FAM149B1: variants seen among roughly 807,000 people sequenced by gnomAD.
FAM149B1 encodes the protein primary cilium assembly protein FAM149B1.
A neutral mutation model predicts 75.3 loss-of-function variants in FAM149B1; 56 were observed. The observed-to-expected ratio is 0.74, with a 90% CI of 0.60 to 0.93. The LOEUF is 0.93. FAM149B1 is among the 40% of genes least tolerant of loss of function. The pLI, the probability that FAM149B1 is intolerant of heterozygous loss-of-function variation, is 0.00. For synonymous variants in FAM149B1, 259 were observed against 256.1 expected (o/e 1.01, Z -0.11); for missense variants, 639 against 708.4 (o/e 0.90, Z 1.11).
intron 7 of FAM149B1, among the ~76,000 whole-genome samples, chr10:73,224,372 A>G (rs2043485747): frequency 6.6e-6 from 1 of 152,204 alleles, no homozygotes; most frequent in Admixed American, 6.5e-5. Context: ...TAGAAAACAT[A>G]CATCAGAAAC....
chr10:73,221,481 C>T (rs1247225256), intron 7 of FAM149B1, among the ~76,000 whole-genome samples: 1 of 152,100 alleles, frequency 6.6e-6, no homozygotes, highest in Non-Finnish European at 1.5e-5. Context: ...CATTTCTTCT[C>T]GCTTGCATTG....
At chr10:73,235,435 A>G (rs1344638869) in intron 12 of FAM149B1, 117 bp downstream of exon 12, 1 of 1,467,304 alleles carries the variant, frequency 6.8e-7, no homozygotes, top group Non-Finnish European at 9.0e-7. Flanking sequence ...ATAAAAGTTG[A>G]GTTTCCAACA....
In FAM149B1 at chr10:73,230,632, A is replaced by G. The variant is rs541334491; in HGVS notation, c.1127+107A>G. ...ATTGAGTGCCAACCAAGCAACCACAAAAACTCCTGGGGAGTAAAACATCCA... is the reference window on the plus strand; with the variant it reads ...ATTGAGTGCCAACCAAGCAACCACAGAAACTCCTGGGGAGTAAAACATCCA... On this transcript the variant is annotated intron_variant, in intron 9 of 13. Transcript: ENST00000242505. The G allele has an allele frequency of 6.3e-5, 41 of 655,190 alleles. No homozygotes were observed. The East Asian group carries it at 1.1e-3, about 18-fold the overall frequency. The allele number at this position is 655,190 out of a possible 1,614,324, so 40.6% of individuals were successfully genotyped here. A position where few individuals can be genotyped will look rare whatever the true frequency, so the allele number is the denominator to read the frequency against.
intron 7 of FAM149B1, among the ~76,000 whole-genome samples, chr10:73,219,930 T>C (rs2043372009): frequency 6.6e-6 from 1 of 151,436 alleles, no homozygotes; most frequent in African/African-American, 2.4e-5. Context: ...TAAAACTTTG[T>C]GCTATAAAAG....
rs760947594 is a variant in FAM149B1, at chr10:73,168,342, G to GATC, written c.4_6dup (p.Ile2dup). The stretch of plus-strand genomic sequence containing the variant: ...GGAGGAGGAGGAGGAGGAGGAGGAT[G>GATC]ATCTCCAGATACACTCGGAAGGCGG... On this transcript the variant is annotated inframe_insertion, in exon 1 of 14. Coordinates refer to ENST00000242505, the MANE Select transcript of FAM149B1 (RefSeq NM_173348.2). 4 of 1,549,792 alleles carry GATC rather than the reference G, an allele frequency of 2.6e-6. No homozygotes were observed. In the African/African-American group the frequency reaches 4.1e-5, roughly 16 times the overall value.
rs1354531452 is a variant in FAM149B1 at position 73,170,055 on chromosome 10, TATTA to T, written c.47+1674_47+1677del. Among the ~76,000 whole-genome samples, 4 of 150,744 alleles carry T rather than the reference TATTA, an allele frequency of 2.7e-5. No homozygotes were observed. In the East Asian group the frequency reaches 5.8e-4, roughly 22 times the overall value. On this transcript the variant is annotated intron_variant, in intron 1 of 13. Transcript: ENST00000242505. ...ATTATTAACTATTTAATTTATTAAATATTAATTATGCACATACATGATAATTGCA... is the reference window on the plus strand; with the variant it reads ...ATTATTAACTATTTAATTTATTAAATATTATGCACATACATGATAATTGCA...
At chr10:73,200,514 A>G (rs559606597) in intron 5 of FAM149B1, 38 of 661,724 alleles carry the variant, frequency 5.7e-5, no homozygotes, top group South Asian at 3.2e-4. Flanking sequence ...TGTTAAACAG[A>G]AGATACCTTT....
chr10:73,199,911 G>T, intron 5 of FAM149B1: 1 of 177,572 alleles, frequency 5.6e-6, no homozygotes, highest in East Asian at 1.4e-4. Flanking sequence ...GAGAGCAACT[G>T]GAAGGAGGTT....
intron 7 of FAM149B1, among the ~76,000 whole-genome samples, chr10:73,221,387 T>C (rs959527007): frequency 1.3e-5 from 2 of 152,162 alleles, no homozygotes; most frequent in Non-Finnish European, 2.9e-5. Context: ...GATATGAAAA[T>C]TCCTTTATTT....
intron 1 of FAM149B1, among the ~76,000 whole-genome samples, chr10:73,172,898 G>A (rs1843775009): frequency 6.6e-6 from 1 of 150,742 alleles, no homozygotes; most frequent in Admixed American, 6.6e-5. Flanking sequence ...GAGGCCAGGA[G>A]TTAGAGACAG....
intron 7 of FAM149B1, among the ~76,000 whole-genome samples, chr10:73,222,247 T>C (rs1416410576): frequency 1.3e-5 from 2 of 152,220 alleles, no homozygotes; most frequent in Non-Finnish European, 2.9e-5. Context: ...CTGGTCTTTC[T>C]TTTATGATTT....
At chr10:73,177,721 C>T in intron 2 of FAM149B1, 125 bp from the exon 3 acceptor site, 5 of 762,108 alleles carry the variant, frequency 6.6e-6, no homozygotes, top group African/African-American at 2.5e-5. Context: ...TTATTTTTGC[C>T]TATGTGGATA....
intron 8 of FAM149B1, among the ~76,000 whole-genome samples, chr10:73,229,296 T>C (rs751066228): frequency 6.6e-6 from 1 of 152,122 alleles, no homozygotes; most frequent in Non-Finnish European, 1.5e-5. Flanking sequence ...CCAGATGTTA[T>C]ACAGCTGGAT....
chr10:73,223,633 G>A lies in FAM149B1; in HGVS notation c.899-4427G>A, dbSNP rs141541309. On this transcript the variant is annotated intron_variant, in intron 7 of 13. Coordinates refer to ENST00000242505, the MANE Select transcript of FAM149B1 (RefSeq NM_173348.2). ...GTTATACCTACTTACAGCCTCTCCA[G>A]TATTGTGTGAGAGTTCCAGTTGCTC... 9.9e-5 allele frequency among the ~76,000 whole-genome samples: 15 copies of A among 152,168 alleles called. No homozygotes were observed. In the East Asian group the frequency reaches 2.9e-3, roughly 29 times the overall value.
chr10:73,224,306 A>G (rs1018707783), intron 7 of FAM149B1, among the ~76,000 whole-genome samples: 2 of 152,186 alleles, frequency 1.3e-5, no homozygotes, highest in Admixed American at 6.5e-5. Flanking sequence ...GTACACTAGT[A>G]CATACTCAGT....
chr10:73,232,857 C>T (rs2043737477), intron 9 of FAM149B1, 82 bp from the exon 10 acceptor site: 1 of 835,242 alleles, frequency 1.2e-6, no homozygotes. Flanking sequence ...AGTTTCTAGT[C>T]TAAGGCTTTT....
chr10:73,241,085 C>A lies in FAM149B1; in HGVS notation c.*66C>A. On this transcript the variant is annotated 3_prime_UTR_variant, in exon 14 of 14. Transcript: ENST00000242505. ...ATTTCATGAAGCAGTATTCAGTCAT[C>A]AAGTGATGCAGAGCTTGTATAGAAG... is the stretch of plus-strand genomic sequence containing the variant. The A allele has an allele frequency of 2.3e-6, 2 of 886,818 alleles. No individual in the cohort carries two copies. Among genetic ancestry groups the A allele is most frequent in the South Asian group, 1.4e-5 (1 of 70,582 alleles). The allele number at this position is 886,818 out of a possible 1,614,324, so 54.9% of individuals were successfully genotyped here.
At chr10:73,236,160 G>A (rs1208943442) in intron 12 of FAM149B1, among the ~76,000 whole-genome samples, 1 of 152,154 alleles carries the variant, frequency 6.6e-6, no homozygotes, top group Non-Finnish European at 1.5e-5. Flanking sequence ...AGAGTGGTAA[G>A]GATAATCAAT....
chr10:73,235,611 A>G, intron 12 of FAM149B1: 1 of 397,696 alleles, frequency 2.5e-6, no homozygotes, highest in Non-Finnish European at 4.2e-6. Context: ...GATAAGCATA[A>G]CTTTATTATG....
Sources: allele counts gnomAD v4.1 joint callset (sites outside exome capture counted in the v4.1 genomes callset), GRCh38; gene constraint gnomAD v4.1.1; transcripts MANE v1.5; gene names NCBI Gene and HGNC (gene_info 2026-07-23, HGNC 2026-07-21).